Variants in NFIB observed in about 807,000 individuals in gnomAD.
NFIB encodes the protein nuclear factor I B.
Under a neutral mutation model 61.5 loss-of-function variants are expected in NFIB, and 11 were observed. That is an observed-to-expected ratio of 0.18 (90% CI 0.11 to 0.30). NFIB has a LOEUF of 0.30. NFIB is among the 10% of genes least tolerant of loss of function. The probability of loss-of-function intolerance (pLI) is 1.00; values close to 1 mark genes in which losing one functional copy is unlikely to be tolerated. For synonymous variants in NFIB, 260 were observed against 216.5 expected, an observed-to-expected ratio of 1.20 and a Z score of -1.76; for missense variants, 471 against 608.9, an observed-to-expected ratio of 0.77 and a Z score of 2.38.
intron 2 of NFIB, among the ~76,000 whole-genome samples, chr9:14,305,157 A>G (rs1013694954): frequency 3.9e-5 from 6 of 152,204 alleles, no homozygotes; most frequent in African/African-American, 1.4e-4. Context: ...TTTTCAATCT[A>G]TCTCTACAAA....
chr9:14,424,334 TAGG>T, the NFIB span, among the ~76,000 whole-genome samples: 1 of 152,168 alleles, frequency 6.6e-6, no homozygotes, highest in Non-Finnish European at 1.5e-5. Flanking sequence ...ACACTGTTTC[TAGG>T]AGATGTGAAA....
chr9:14,294,921 G>C (rs567978157), intron 2 of NFIB, among the ~76,000 whole-genome samples: 30 of 152,264 alleles, frequency 2.0e-4, no homozygotes, highest in Non-Finnish European at 3.8e-4. Context: ...AGTGGCCGTA[G>C]GGAAACAAGC....
intron 2 of NFIB, among the ~76,000 whole-genome samples, chr9:14,255,820 A>T (rs2056167290): frequency 6.6e-6 from 1 of 152,244 alleles, no homozygotes; most frequent in South Asian, 2.1e-4. Context: ...AAGAGAAATG[A>T]TCAAATAGCC....
chr9:14,353,853 CTTT>C lies in NFIB; in HGVS notation c.108+44668_108+44670del, dbSNP rs59303621. ...TAGTGGAGAGCGAGAGGGGTTTTGT[CTTT>C]TTTTTTTTTTTTTTTTGCATGCAAT... On this transcript the variant is annotated intron_variant, in intron 1 of 8. Transcript: ENST00000380934. Among the ~76,000 whole-genome samples, 1,029 of 118,702 alleles carry C rather than the reference CTTT, an allele frequency of 8.7e-3. 6 individuals are homozygous for C. Among genetic ancestry groups the C allele is most frequent in the African/African-American group, 0.029 (927 of 32,264 alleles). 77.9% of individuals were successfully genotyped at this position (118,702 alleles called of 152,430 possible).
At chr9:14,092,010 C>T (rs979976700) in intron 10 of NFIB, among the ~76,000 whole-genome samples, 11 of 152,066 alleles carry the variant, frequency 7.2e-5, no homozygotes, top group Non-Finnish European at 1.2e-4. Context: ...TGGCTCCCCC[C>T]AAAAGGGAAG....
rs1031597392 is a variant in NFIB at position 14,083,518 on chromosome 9, A to G, written c.*4791T>C. The G allele has an allele frequency of 6.8e-5, 15 of 221,102 alleles. No individual in the cohort carries two copies. The Admixed American group carries it at 8.8e-4, about 13-fold the overall frequency. The allele number at this position is 221,102 out of a possible 1,614,324, so 13.7% of individuals were successfully genotyped here. A position where few individuals can be genotyped will look rare whatever the true frequency, so the allele number is the denominator to read the frequency against. The stretch of plus-strand genomic sequence containing the variant: ...AAAAAAAAGTTTTCTATAGAAACCC[A>G]ATTTCTTAAAGTCCAGAAAGCATGC... On this transcript the variant is annotated 3_prime_UTR_variant, in exon 11 of 11. Transcript: ENST00000380953.
intron 6 of NFIB, among the ~76,000 whole-genome samples, chr9:14,129,865 C>A (rs9298695): frequency 1 from 151,590 of 152,340 alleles, 75,429 homozygotes; most frequent in Middle Eastern, 1. Context: ...TAAAATAAAG[C>A]AGCTGAAAAG....
chr9:14,234,803 T>G (rs77606938), intron 2 of NFIB, among the ~76,000 whole-genome samples: 2 of 96,350 alleles, frequency 2.1e-5, no homozygotes, highest in South Asian at 3.6e-4. Context: ...ATTTTTTTTT[T>G]GGTTTTTTTT....
At chr9:14,409,493 C>A in the NFIB span, among the ~76,000 whole-genome samples, 1 of 152,150 alleles carries the variant, frequency 6.6e-6, no homozygotes, top group Non-Finnish European at 1.5e-5. Context: ...CCATCCTTCA[C>A]CCCTGGCCCA....
intron 2 of NFIB, among the ~76,000 whole-genome samples, chr9:14,212,746 C>T (rs994587502): frequency 6.6e-6 from 1 of 152,088 alleles, no homozygotes; most frequent in African/African-American, 2.4e-5. Flanking sequence ...AAAAATACTG[C>T]TCACACTTAT....
At chr9:14,516,352 G>C in the NFIB span, among the ~76,000 whole-genome samples, 1 of 152,062 alleles carries the variant, frequency 6.6e-6, no homozygotes, top group Non-Finnish European at 1.5e-5. Context: ...CCTTTATTTG[G>C]GAGTATTTCA....
the NFIB span, among the ~76,000 whole-genome samples, chr9:14,461,868 G>A: frequency 4.6e-5 from 7 of 152,162 alleles, no homozygotes; most frequent in Admixed American, 1.3e-4. Context: ...ATGGCATTAT[G>A]GTATCTTCCT....
At chr9:14,179,329 C>A (rs2046499770) in intron 3 of NFIB, among the ~76,000 whole-genome samples, 1 of 151,960 alleles carries the variant, frequency 6.6e-6, no homozygotes, top group African/African-American at 2.4e-5. Flanking sequence ...CCACCCCCAA[C>A]CCCCTTCTAA....
chr9:14,359,483 A>T (rs761948558), intron 1 of NFIB, among the ~76,000 whole-genome samples: 2 of 152,230 alleles, frequency 1.3e-5, no homozygotes, highest in Non-Finnish European at 2.9e-5. Flanking sequence ...CAGAAGCTGG[A>T]TGAGAAAGAA....
chr9:14,094,059 C>A (rs1175402908), intron 10 of NFIB, among the ~76,000 whole-genome samples: 4 of 152,000 alleles, frequency 2.6e-5, no homozygotes, highest in African/African-American at 9.7e-5. Flanking sequence ...GATGAGGAAA[C>A]TGAAGCGAGG....
At chr9:14,478,054 G>T in the NFIB span, among the ~76,000 whole-genome samples, 2 of 151,976 alleles carry the variant, frequency 1.3e-5, no homozygotes, top group Admixed American at 6.6e-5. Context: ...GCCAAGAAAG[G>T]CTCCCTATTC....
intron 2 of NFIB, among the ~76,000 whole-genome samples, chr9:14,268,344 T>C (rs2057366451): frequency 1.3e-5 from 2 of 152,126 alleles, no homozygotes; most frequent in African/African-American, 4.8e-5. Context: ...AACTCTCTAA[T>C]GTGGCATTTG....
intron 2 of NFIB, among the ~76,000 whole-genome samples, chr9:14,290,769 G>C (rs1161357146): frequency 6.6e-6 from 1 of 152,076 alleles, no homozygotes; most frequent in African/African-American, 2.4e-5. Flanking sequence ...TTCCTAGTTT[G>C]AGGAACTTTC....
At chr9:14,235,032 C>T (rs551716175) in intron 2 of NFIB, among the ~76,000 whole-genome samples, 24 of 152,222 alleles carry the variant, frequency 1.6e-4, no homozygotes, top group African/African-American at 5.5e-4. Flanking sequence ...GCAATCTTAA[C>T]TATTTAGGGT....
Sources: gnomAD v4.1 joint callset for allele counts (sites outside exome capture counted in the v4.1 genomes callset) on GRCh38, gnomAD v4.1.1 for gene constraint, MANE v1.5 for transcripts, NCBI Gene and HGNC (gene_info 2026-07-23, HGNC 2026-07-21) for gene names.